LPA: variants seen among roughly 807,000 people sequenced by gnomAD.
LPA encodes the protein lipoprotein(a), also known as apolipoprotein(a).
In LPA, 199 loss-of-function variants were observed where a neutral mutation model predicts 197.9. The ratio of observed to expected loss-of-function variants is 1.01; its 90% confidence interval spans 0.90 to 1.13. The LOEUF (loss-of-function observed/expected upper bound fraction) is 1.13. Among genes scored for constraint, LPA ranks in the 50% most tolerant of loss-of-function variants. LPA has a pLI of 0.00. For missense variants in LPA, 1,853 were observed against 1,785.8 expected (o/e 1.04, Z -0.68); for synonymous variants, 715 against 639.5 (o/e 1.12, Z -1.78).
At chr6:160,607,145 G>A (rs537529686) in intron 16 of LPA, among the ~76,000 whole-genome samples, 166 of 152,044 alleles carry the variant, frequency 1.1e-3, no homozygotes, top group African/African-American at 3.8e-3. Context: ...GATCCAGGAG[G>A]ATAACCTTTC....
chr6:160,577,452 T>G (rs1778706269), intron 27 of LPA, among the ~76,000 whole-genome samples, 157 bp from the exon 28 acceptor site: 1 of 152,240 alleles, frequency 6.6e-6, no homozygotes, highest in South Asian at 2.1e-4. Context: ...AGTAGATTCA[T>G]AGTATTCTAG....
At chr6:160,589,466 T>C in intron 24 of LPA, 87 bp downstream of exon 24, 5 of 1,499,092 alleles carry the variant, frequency 3.3e-6, no homozygotes, top group Non-Finnish European at 4.6e-6. Context: ...AGAAATTGGG[T>C]CATAAGAAGT....
chr6:160,593,859 G>C (rs1335940762), intron 22 of LPA, 99 bp downstream of exon 22: 2 of 1,424,056 alleles, frequency 1.4e-6, no homozygotes, highest in Non-Finnish European at 2.0e-6. Flanking sequence ...TTCCAGATCT[G>C]AGATAAATTT....
At chr6:160,643,184 C>CT (rs1562350780) in intron 4 of LPA, among the ~76,000 whole-genome samples, 2 of 147,524 alleles carry the variant, frequency 1.4e-5, no homozygotes, top group Non-Finnish European at 1.5e-5. Context: ...CTAAATTGAT[C>CT]AGCCGGCCAT....
At chr6:160,610,951 G>A (rs1271957798) in intron 16 of LPA, among the ~76,000 whole-genome samples, 1 of 152,056 alleles carries the variant, frequency 6.6e-6, no homozygotes, top group Non-Finnish European at 1.5e-5. Context: ...GTCAGACCAG[G>A]GCTTCTATCC....
chr6:160,561,550 A>G (rs958448565), intron 28 of LPA, among the ~76,000 whole-genome samples: 1 of 152,146 alleles, frequency 6.6e-6, no homozygotes, highest in Non-Finnish European at 1.5e-5. Context: ...TCTTGGATAT[A>G]CAGGCCCTTT....
intron 26 of LPA, 129 bp downstream of exon 26, chr6:160,584,917 T>C (rs893016801): frequency 1.2e-4 from 117 of 948,108 alleles, no homozygotes; most frequent in Non-Finnish European, 1.8e-4. Context: ...GTAAGTTTCC[T>C]GAGACATTTT....
chr6:160,555,285 T>TTAATATAATATAATATTA (rs1778238385), intron 30 of LPA, among the ~76,000 whole-genome samples: 3 of 117,418 alleles, frequency 2.6e-5, no homozygotes, highest in Non-Finnish European at 5.2e-5. Context: ...TTATATTATA[T>TTAATATAATATAATATTA]TATATGTTAG....
chr6:160,539,120 A>G (rs1777937802), intron 36 of LPA, among the ~76,000 whole-genome samples: 1 of 152,166 alleles, frequency 6.6e-6, no homozygotes, highest in South Asian at 2.1e-4. Context: ...CAGGCCCAGG[A>G]GAGCAGCTCA....
At chr6:160,554,259 G>A (rs1329469530) in intron 30 of LPA, among the ~76,000 whole-genome samples, 1 of 151,560 alleles carries the variant, frequency 6.6e-6, no homozygotes, top group Non-Finnish European at 1.5e-5. Flanking sequence ...CTATTTCTTG[G>A]TCTATTTGTA....
chr6:160,536,031 G>A (rs749819554), intron 37 of LPA, among the ~76,000 whole-genome samples: 3 of 152,174 alleles, frequency 2.0e-5, no homozygotes, highest in Non-Finnish European at 4.4e-5. Context: ...CTCCAACATG[G>A]AACAATTGGT....
At chr6:160,540,810 C>A (rs1449538690) in intron 35 of LPA, among the ~76,000 whole-genome samples, 1 of 152,186 alleles carries the variant, frequency 6.6e-6, no homozygotes, top group Non-Finnish European at 1.5e-5. Context: ...CAGATTGATG[C>A]CTCTGGTAGT....
At chr6:160,652,898 C>A (rs558419412) in intron 1 of LPA, among the ~76,000 whole-genome samples, 51 of 151,922 alleles carry the variant, frequency 3.4e-4, no homozygotes, top group Non-Finnish European at 6.0e-4. Flanking sequence ...AATACTAAAA[C>A]CATTAAAAAT....
chr6:160,592,178 C>T (rs1442048901), intron 22 of LPA, among the ~76,000 whole-genome samples: 1 of 152,092 alleles, frequency 6.6e-6, no homozygotes, highest in Non-Finnish European at 1.5e-5. Flanking sequence ...GGATGTTTTC[C>T]TAGATGTCCT....
chr6:160,569,698 C>T (rs575068133), intron 28 of LPA, among the ~76,000 whole-genome samples: 3 of 152,176 alleles, frequency 2.0e-5, no homozygotes, highest in South Asian at 4.1e-4. Context: ...AACAGGCAAG[C>T]TACAGAATGG....
intron 22 of LPA, among the ~76,000 whole-genome samples, 199 bp from the exon 23 acceptor site, chr6:160,591,300 T>C (rs911287523): frequency 2.0e-5 from 3 of 152,210 alleles, no homozygotes; most frequent in African/African-American, 7.2e-5. Context: ...ATTCTTATTG[T>C]AACACATCCA....
chr6:160,540,229 T>G lies in LPA; in HGVS notation c.5595-46A>C, dbSNP rs1173639936. On this transcript the variant is annotated intron_variant, in intron 35 of 38. Coordinates refer to ENST00000316300, the MANE Select transcript of LPA (RefSeq NM_005577.4). ...AAGAGAAAAATATGGTCCAGCCCCT[T>G]CAGGTATCCTCTGTGCCATGAACTT... The G allele has an allele frequency of 2.5e-6, 4 of 1,612,626 alleles. No homozygotes were observed. In the Admixed American group the frequency reaches 6.7e-5, roughly 27 times the overall value.
At chr6:160,562,446 G>T (rs1383912379) in intron 28 of LPA, among the ~76,000 whole-genome samples, 1 of 152,176 alleles carries the variant, frequency 6.6e-6, no homozygotes, top group African/African-American at 2.4e-5. Context: ...TAAGCTTTTT[G>T]ATGTGCTGCT....
In LPA at chr6:160,550,330, T is replaced by C. The variant is rs1185696652; in HGVS notation, c.4974-1671A>G. Among the ~76,000 whole-genome samples, 101 of 152,128 alleles carry C rather than the reference T, an allele frequency of 6.6e-4. 1 individual carries two copies. Among genetic ancestry groups the C allele is most frequent in the Non-Finnish European group, 5.9e-5 (4 of 68,000 alleles). On this transcript the variant is annotated intron_variant, in intron 30 of 38. Coordinates refer to ENST00000316300, the MANE Select transcript of LPA (RefSeq NM_005577.4). ...ATGTTGCTCCAACCTCTCAGAATCC[T>C]CACATTCATGACATGTGGCTGTCTG...
Sources: allele counts gnomAD v4.1 joint callset (sites outside exome capture counted in the v4.1 genomes callset), GRCh38; gene constraint gnomAD v4.1.1; transcripts MANE v1.5; gene names NCBI Gene and HGNC (gene_info 2026-07-23, HGNC 2026-07-21).